NRXN1: variants seen among roughly 807,000 people sequenced by gnomAD.
NRXN1 encodes neurexin-1.
NRXN1 carries 39 observed loss-of-function variants against 150.9 expected under a neutral mutation model. The observed-to-expected ratio is 0.26, with a 90% confidence interval of 0.20 to 0.34. NRXN1 has a LOEUF of 0.34. Among genes scored for constraint, NRXN1 ranks in the 10% least tolerant of loss-of-function variants. The pLI is 1.00. For missense variants in NRXN1, 1,815 were observed against 1,949.9 expected (o/e 0.93, Z 1.30); for synonymous variants, 924 against 757.0 (o/e 1.22, Z -3.62).
rs371134663 is a variant in NRXN1 at position 50,684,729 on chromosome 2, T to C, written c.833-61114A>G. 5.9e-5 allele frequency among the ~76,000 whole-genome samples: 9 copies of C among 152,266 alleles called. No individual in the cohort carries two copies. The East Asian group carries it at 1.7e-3, about 29-fold the overall frequency. ...GTAGATTATGACAAACATAAAGAGA[T>C]AGTCTTTGCCAAGGTCCCCAGTTTA... On this transcript the variant is annotated intron_variant, in intron 5 of 22. Coordinates refer to ENST00000401669, the MANE Select transcript of NRXN1 (RefSeq NM_001330078.2).
chr2:50,820,725 C>A lies in NRXN1; in HGVS notation c.832+101144G>T, dbSNP rs190638348. Among the ~76,000 whole-genome samples, 297 of 152,182 alleles carry A rather than the reference C, an allele frequency of 2.0e-3. 4 individuals are homozygous for A. Among genetic ancestry groups the A allele is most frequent in the African/African-American group, 6.9e-3 (288 of 41,540 alleles). ...GAACATTGTTGTTTTCAGTTGTAAACAAGGAGGAGCCTGGTGTGATTTCAG... is the reference window on the plus strand; with the variant it reads ...GAACATTGTTGTTTTCAGTTGTAAAAAAGGAGGAGCCTGGTGTGATTTCAG... On this transcript the variant is annotated intron_variant, in intron 5 of 22. Coordinates refer to ENST00000401669, the MANE Select transcript of NRXN1 (RefSeq NM_001330078.2).
intron 5 of NRXN1, among the ~76,000 whole-genome samples, chr2:50,716,390 G>A (rs1518553): frequency 0.11 from 16,721 of 151,982 alleles, 1,286 homozygotes; most frequent in East Asian, 0.3. Flanking sequence ...GTCCATTATT[G>A]ACTAAATTAA....
At chr2:50,506,702 G>C in intron 12 of NRXN1, 85 bp from the exon 13 acceptor site, 2 of 1,380,482 alleles carry the variant, frequency 1.4e-6, no homozygotes, top group Non-Finnish European at 2.0e-6. Flanking sequence ...AAAGAGACAA[G>C]GGGGGAAGGT....
intron 18 of NRXN1, among the ~76,000 whole-genome samples, chr2:50,150,623 G>T: frequency 6.6e-6 from 1 of 151,762 alleles, no homozygotes; most frequent in East Asian, 1.9e-4. Flanking sequence ...AGGTTTTGTA[G>T]AATAAAGAAG....
chr2:50,855,616 G>A (rs10490175), intron 5 of NRXN1, among the ~76,000 whole-genome samples: 23,698 of 151,884 alleles, frequency 0.16, 2,171 homozygotes, highest in Non-Finnish European at 0.18. Context: ...GAAGGTGTAT[G>A]GCCCAATAGC....
At chr2:50,051,118 T>A (rs995079082) in intron 21 of NRXN1, among the ~76,000 whole-genome samples, 1 of 152,024 alleles carries the variant, frequency 6.6e-6, no homozygotes, top group Non-Finnish European at 1.5e-5. Flanking sequence ...AAGAGGCTCT[T>A]TTCATTGGCA....
chr2:50,102,769 C>A (rs1701142642), intron 18 of NRXN1, among the ~76,000 whole-genome samples: 1 of 151,864 alleles, frequency 6.6e-6, no homozygotes, highest in African/African-American at 2.4e-5. Context: ...GTGCACATAG[C>A]CCAGGGAGGG....
At chr2:50,209,569 T>C (rs2062860824) in intron 18 of NRXN1, among the ~76,000 whole-genome samples, 1 of 152,130 alleles carries the variant, frequency 6.6e-6, no homozygotes, top group Non-Finnish European at 1.5e-5. Context: ...TTTGAAAATC[T>C]ACCATATCCA....
intron 21 of NRXN1, among the ~76,000 whole-genome samples, chr2:49,948,587 C>T (rs938397442): frequency 6.6e-6 from 1 of 152,020 alleles, no homozygotes; most frequent in East Asian, 1.9e-4. Context: ...TATGAAAAAT[C>T]AGGAAGTGGC....
At chr2:50,567,803 C>A (rs919245418) in intron 8 of NRXN1, among the ~76,000 whole-genome samples, 1 of 152,124 alleles carries the variant, frequency 6.6e-6, no homozygotes, top group Admixed American at 6.6e-5. Flanking sequence ...TCATTAAAAT[C>A]ACTTTTATTC....
At chr2:50,446,786 A>G (rs1276821888) in intron 17 of NRXN1, among the ~76,000 whole-genome samples, 11 of 152,016 alleles carry the variant, frequency 7.2e-5, no homozygotes, top group Admixed American at 4.6e-4. Flanking sequence ...TACTTGTTCT[A>G]TATTTTAATT....
intron 5 of NRXN1, among the ~76,000 whole-genome samples, chr2:50,876,603 C>T (rs1201610773): frequency 1.3e-5 from 2 of 151,740 alleles, no homozygotes; most frequent in Non-Finnish European, 2.9e-5. Flanking sequence ...CTCATGAGTT[C>T]TCCATTCTTT....
chr2:50,115,157 T>TG lies in NRXN1; in HGVS notation c.3547-23664_3547-23663insC, dbSNP rs1048174243. Among the ~76,000 whole-genome samples, 14 of 148,482 alleles carry TG rather than the reference T, an allele frequency of 9.4e-5. No homozygotes were observed. In the East Asian group the frequency reaches 2.0e-3, roughly 21 times the overall value. The stretch of plus-strand genomic sequence containing the variant: ...TGTAATTTCGCTCAATTTTTTTTTT[T>TG]TGTGAACCTAAAACTACTCTAAAGA... On this transcript the variant is annotated intron_variant, in intron 18 of 22. Transcript: ENST00000401669.
intron 18 of NRXN1, among the ~76,000 whole-genome samples, chr2:50,168,256 T>C (rs1480797114): frequency 1.3e-5 from 2 of 152,182 alleles, no homozygotes; most frequent in Non-Finnish European, 2.9e-5. Context: ...TTAATAGTTT[T>C]AACCCTTAAG....
At chr2:50,987,471 A>G (rs1024783781) in intron 2 of NRXN1, among the ~76,000 whole-genome samples, 3 of 151,884 alleles carry the variant, frequency 2.0e-5, no homozygotes, top group Admixed American at 6.6e-5. Flanking sequence ...TATTTTGAAC[A>G]ATTAATGCTC....
intron 12 of NRXN1, among the ~76,000 whole-genome samples, chr2:50,516,619 C>T (rs898975237): frequency 5.9e-5 from 9 of 152,088 alleles, no homozygotes; most frequent in Admixed American, 5.2e-4. Flanking sequence ...ACCCTCAGAA[C>T]CAGGAAGCAA....
intron 17 of NRXN1, among the ~76,000 whole-genome samples, chr2:50,390,438 T>C (rs2081611915): frequency 1.3e-5 from 2 of 152,194 alleles, no homozygotes; most frequent in Admixed American, 1.3e-4. Context: ...GAGCAACTAA[T>C]TTACACAGGC....
chr2:50,414,027 G>T (rs916208704), intron 17 of NRXN1, among the ~76,000 whole-genome samples: 21 of 119,616 alleles, frequency 1.8e-4, no homozygotes, highest in Admixed American at 1.6e-3. Flanking sequence ...GTTACCAGAG[G>T]CTGGGAAGGG....
chr2:50,872,712 G>T (rs1677971893), intron 5 of NRXN1, among the ~76,000 whole-genome samples: 1 of 151,738 alleles, frequency 6.6e-6, no homozygotes, highest in Non-Finnish European at 1.5e-5. Flanking sequence ...CAGCACTTTG[G>T]GAGGCAAAGG....
Sources: gnomAD v4.1 joint callset for allele counts (sites outside exome capture counted in the v4.1 genomes callset) on GRCh38, gnomAD v4.1.1 for gene constraint, MANE v1.5 for transcripts, NCBI Gene and HGNC (gene_info 2026-07-23, HGNC 2026-07-21) for gene names.